Variants in APOH observed in about 807,000 individuals in gnomAD.
APOH encodes apolipoprotein H.
A neutral mutation model predicts 39.8 loss-of-function variants in APOH; 48 were observed. The observed-to-expected ratio is 1.21, with a 90% CI of 0.96 to 1.54. APOH has a LOEUF of 1.54. APOH is among the 40% of genes most tolerant of loss of function. The pLI is 0.00. For missense variants in APOH, 415 were observed against 421.2 expected (o/e 0.99, Z 0.13); for synonymous variants, 153 against 151.1 (o/e 1.01, Z -0.09).
chr17:66,212,173 G>A lies in APOH; in HGVS notation c.998C>T (p.Ala333Val), dbSNP rs780277635. Reference sequence around the variant, plus strand: ...ATCGGATGCATCAGTTTTCCAAAAAGCCAGAGAACTGTGTTCTGTTGGGGG... The same window carrying A: ...ATCGGATGCATCAGTTTTCCAAAAAACCAGAGAACTGTGTTCTGTTGGGGG... The part of the protein sequence containing the change: ...PKCFKEHSSL[A>V]FWKTDASDVK... The change falls in exon 8 of 8, where the codon GCT (alanine) becomes GTT (valine). Residue 333 changes from alanine (A) to valine (V), a missense_variant. Ala to Val is a moderately conservative substitution (Grantham distance 64). This residue lies in a region of APOH where 120 missense variants were observed against 110.6 expected (regional missense o/e 1.08). Coordinates refer to ENST00000205948, the MANE Select transcript of APOH (RefSeq NM_000042.3). The A allele has an allele frequency of 1.2e-6, 2 of 1,613,772 alleles. No individual in the cohort carries two copies. Among genetic ancestry groups the A allele is most frequent in the African/African-American group, 1.3e-5 (1 of 75,022 alleles).
chr17:66,224,681 G>GGAAAGGAAAGAAAA (rs1567741767), intron 3 of APOH, among the ~76,000 whole-genome samples: 34 of 30,454 alleles, frequency 1.1e-3, no homozygotes, highest in Non-Finnish European at 8.1e-4. Context: ...GGGAAGGGAA[G>GGAAAGGAAAGAAAA]GGAAGGGAAG....
At chr17:66,224,570 C>A (rs374553359) in intron 3 of APOH, among the ~76,000 whole-genome samples, 4 of 96,982 alleles carry the variant, frequency 4.1e-5, no homozygotes, top group African/African-American at 4.3e-5. Context: ...AAAAGAAAGA[C>A]GGAAGGAAGG....
intron 7 of APOH, among the ~76,000 whole-genome samples, chr17:66,212,634 C>T (rs2073342966): frequency 6.6e-6 from 1 of 152,182 alleles, no homozygotes; most frequent in Admixed American, 6.5e-5. Context: ...CCGCCTTGGC[C>T]TCCCAAAGTG....
At chr17:66,214,314 C>T in intron 7 of APOH, 139 bp downstream of exon 7, 1 of 785,992 alleles carries the variant, frequency 1.3e-6, no homozygotes, top group Non-Finnish European at 2.1e-6. Flanking sequence ...CCGCCTCAGC[C>T]TCCCAAAGTG....
At chr17:66,228,799 C>CAA (rs543775682) in intron 1 of APOH, among the ~76,000 whole-genome samples, 2,090 of 105,042 alleles carry the variant, frequency 0.02, 26 homozygotes, top group African/African-American at 0.044. Flanking sequence ...GACTCTGTCT[C>CAA]AAAAAAAAAA....
chr17:66,225,023 C>A (rs889519461), intron 3 of APOH, among the ~76,000 whole-genome samples: 2 of 149,584 alleles, frequency 1.3e-5, no homozygotes, highest in African/African-American at 4.9e-5. Context: ...GCCAAGATCG[C>A]ACCACTGCAC....
At chr17:66,223,274 G>A (rs1220225274) in intron 4 of APOH, among the ~76,000 whole-genome samples, 1 of 152,192 alleles carries the variant, frequency 6.6e-6, no homozygotes, top group African/African-American at 2.4e-5. Flanking sequence ...TATTGAATAA[G>A]TTAATAAATG....
In APOH at chr17:66,220,764, A is replaced by G. The variant is rs368243676; in HGVS notation, c.416-22T>C. 20 of 1,583,152 alleles carry G rather than the reference A, an allele frequency of 1.3e-5. No homozygotes were observed. The African/African-American group carries it at 2.4e-4, about 19-fold the overall frequency. ...ATGGCTGGGAAAATAAAGAACTATC[A>G]TTTCTATGAAAATAGTTAAGGCTTT... On this transcript the variant is annotated intron_variant, in intron 4 of 7. Transcript: ENST00000205948.
At chr17:66,215,519 A>G (rs2073359974) in intron 6 of APOH, among the ~76,000 whole-genome samples, 1 of 152,074 alleles carries the variant, frequency 6.6e-6, no homozygotes, top group Non-Finnish European at 1.5e-5. Flanking sequence ...AATCAACTGT[A>G]CTCGAATCCC....
Position 66,220,595 on chromosome 17 carries a change from C to A in APOH, c.563G>T (p.Cys188Phe). The A allele has an allele frequency of 1.2e-6, 2 of 1,614,146 alleles. No individual in the cohort carries two copies. Among genetic ancestry groups the A allele is most frequent in the Non-Finnish European group, 8.5e-7 (1 of 1,180,024 alleles). Residue 188 changes from cysteine to phenylalanine, a missense_variant, in exon 5 of 8, where the codon TGC (cysteine) becomes TTC (phenylalanine). Transcript: ENST00000205948. The stretch of plus-strand genomic sequence containing the variant: ...TTTAGTCCAATTTCCATGTGTCGTG[C>A]AGGTAATTGTATCATTTCCAAACAT... ...HAMFGNDTIT[C>F]TTHGNWTKLP...
Position 66,226,133 on chromosome 17 carries a change from C to T in APOH, c.242-9G>A, listed in dbSNP as rs1230854481. Reference sequence around the variant, plus strand: ...AAAAGGACATACTCTGGCTGTGATACAAAGATAAAAAATGTTACTTTTCTT... The same window carrying T: ...AAAAGGACATACTCTGGCTGTGATATAAAGATAAAAAATGTTACTTTTCTT... On this transcript the variant is annotated splice_polypyrimidine_tract_variant and intron_variant, in intron 2 of 7. Coordinates refer to ENST00000205948, the MANE Select transcript of APOH (RefSeq NM_000042.3). 2 of 1,586,056 alleles carry T rather than the reference C, an allele frequency of 1.3e-6. No individual in the cohort carries two copies. The highest frequency in any genetic ancestry group is 2.2e-5 in the East Asian group (1 of 44,492).
intron 6 of APOH, among the ~76,000 whole-genome samples, chr17:66,216,581 C>G (rs1013314073): frequency 1.3e-5 from 2 of 152,146 alleles, no homozygotes; most frequent in African/African-American, 4.8e-5. Context: ...TACAAAGGAT[C>G]TGTTTATTTC....
chr17:66,214,775 G>A lies in APOH; in HGVS notation c.785-125C>T, dbSNP rs8178938. 4,663 of 742,760 alleles carry A rather than the reference G, an allele frequency of 6.3e-3. 173 individuals are homozygous for A. The African/African-American group carries it at 0.071, about 11-fold the overall frequency. The allele number at this position is 742,760 out of a possible 1,614,324, so 46.0% of individuals were successfully genotyped here. A position where few individuals can be genotyped will look rare whatever the true frequency, so the allele number is the denominator to read the frequency against. ...ATTGGTCAAGGCAAGAAAAATCCAA[G>A]AATATATATAGTAAGTAATGGTAAT... On this transcript the variant is annotated intron_variant, in intron 6 of 7. Transcript: ENST00000205948.
At chr17:66,215,912 A>C (rs2073362108) in intron 6 of APOH, among the ~76,000 whole-genome samples, 1 of 152,172 alleles carries the variant, frequency 6.6e-6, no homozygotes, top group Admixed American at 6.5e-5. Context: ...TATCAGTTGT[A>C]TTTCATGTCT....
Position 66,226,051 on chromosome 17 carries a change from C to T in APOH, c.315G>A (p.Thr105=), listed in dbSNP as rs769331420. The T allele has an allele frequency of 3.1e-6, 5 of 1,612,220 alleles. No individual in the cohort carries two copies. The highest frequency in any genetic ancestry group is 2.2e-5 in the South Asian group (2 of 90,538). ...ACCCAGTGTTACAAGAAAAACTGAT[C>T]GTGTTGGGATATTCAAAAGTCGTAT... ...VRYTTFEYPN[T]ISFSCNTGFY... Residue 105 remains threonine, a synonymous_variant, in exon 3 of 8, where the codon ACG becomes ACA. Transcript: ENST00000205948.
chr17:66,222,567 C>CTTTTTTTTTT (rs1178795590), intron 4 of APOH, among the ~76,000 whole-genome samples: 3 of 84,882 alleles, frequency 3.5e-5, no homozygotes, highest in Non-Finnish European at 6.6e-5. Flanking sequence ...TTTCCACTTG[C>CTTTTTTTTTT]TTTTTTTTTT....
Position 66,229,360 on chromosome 17 carries a change from A to T in APOH, c.20T>A (p.Ile7Asn). Residue 7 changes from isoleucine (I) to asparagine (N), a missense_variant, in exon 1 of 8, where the codon ATC becomes AAC. Physicochemically the swap from Ile to Asn is moderately radical, Grantham distance 149 (BLOSUM62 -3). Coordinates refer to ENST00000205948, the MANE Select transcript of APOH (RefSeq NM_000042.3). MISPVL[I>N]LFSSFLCHVA... ...ATGGCAGAGAAAACTCGAGAACAAG[A>T]TGAGCACTGGAGAAATCATTGTGGA... The T allele has an allele frequency of 1.9e-6, 3 of 1,613,934 alleles. No homozygotes were observed. The highest frequency in any genetic ancestry group is 2.5e-6 in the Non-Finnish European group (3 of 1,179,848).
Position 66,216,031 on chromosome 17 carries a change from T to C in APOH, c.784+757A>G, listed in dbSNP as rs1020789210. On this transcript the variant is annotated intron_variant, in intron 6 of 7. Transcript: ENST00000205948. ...TTGGTTTTTGCAATGAGAAGAGCCT[T>C]GGCTAGACAGAGCACAAAAAGGGGT... Among the ~76,000 whole-genome samples, 5 of 152,036 alleles carry C rather than the reference T, an allele frequency of 3.3e-5. No individual in the cohort carries two copies. The East Asian group carries it at 7.7e-4, about 24-fold the overall frequency.
chr17:66,215,568 T>C (rs2073360230), intron 6 of APOH, among the ~76,000 whole-genome samples: 1 of 152,216 alleles, frequency 6.6e-6, no homozygotes, highest in South Asian at 2.1e-4. Context: ...TAACCTAAGA[T>C]GCTAGTTATT....
Sources: allele counts gnomAD v4.1 joint callset (sites outside exome capture counted in the v4.1 genomes callset), GRCh38; gene constraint gnomAD v4.1.1; regional missense constraint gnomAD v4.1.1; transcripts MANE v1.5; gene names NCBI Gene and HGNC (gene_info 2026-07-23, HGNC 2026-07-21).